The following CGGBP1 variants were observed in gnomAD, a reference collection of about 807,000 sequenced individuals.
CGGBP1 encodes CGG triplet repeat binding protein 1.
A neutral mutation model predicts 11.4 loss-of-function variants in CGGBP1; 4 were observed. That is an observed-to-expected ratio of 0.35 (90% CI 0.17 to 0.80). The LOEUF (loss-of-function observed/expected upper bound fraction) is 0.80, where lower values mean the gene tolerates loss of function less well. Among genes scored for constraint, CGGBP1 ranks in the 30% least tolerant of loss-of-function variants. The pLI is 0.52. For missense variants in CGGBP1, 135 were observed against 202.1 expected (o/e 0.67, Z 2.01); for synonymous variants, 76 against 74.1 (o/e 1.03, Z -0.13).
chr3:88,084,855 A>G (rs1708255421), intron 2 of CGGBP1, among the ~76,000 whole-genome samples: 1 of 152,208 alleles, frequency 6.6e-6, no homozygotes, highest in Non-Finnish European at 1.5e-5. Context: ...TGGATGCTAC[A>G]CTTAGTAGGT....
At chr3:88,103,920 C>T (rs556988254) in intron 2 of CGGBP1, among the ~76,000 whole-genome samples, 1 of 152,024 alleles carries the variant, frequency 6.6e-6, no homozygotes, top group East Asian at 1.9e-4. Context: ...GTGCCCGCCC[C>T]TATGCCTGGC....
chr3:88,126,579 C>CT (rs144091813), intron 2 of CGGBP1, among the ~76,000 whole-genome samples: 49 of 81,756 alleles, frequency 6.0e-4, no homozygotes, highest in African/African-American at 1.7e-3. Flanking sequence ...GTAGAAACAT[C>CT]TTTTTTTTTT....
chr3:88,126,806 A>G (rs1193781762), intron 2 of CGGBP1, among the ~76,000 whole-genome samples: 1 of 152,242 alleles, frequency 6.6e-6, no homozygotes, highest in Non-Finnish European at 1.5e-5. Flanking sequence ...GTGTGAGTGA[A>G]TAAGTGACTA....
upstream of CGGBP1, among the ~76,000 whole-genome samples, chr3:88,062,640 A>G (rs1381595556): frequency 6.6e-6 from 1 of 152,208 alleles, no homozygotes; most frequent in Non-Finnish European, 1.5e-5. Context: ...GGAAGTTAAG[A>G]TACTTTCTTC....
chr3:88,058,075 C>T lies in CGGBP1; in HGVS notation c.-182G>A, dbSNP rs549767815. 1.3e-5 allele frequency: 2 copies of T among 152,288 alleles called. No homozygotes were observed. Among genetic ancestry groups the T allele is most frequent in the South Asian group, 2.1e-4 (1 of 4,824 alleles). 9.4% of individuals were successfully genotyped at this position (152,288 alleles called of 1,614,324 possible). On this transcript the variant is annotated 5_prime_UTR_variant, in exon 2 of 4. Transcript: ENST00000482016. Reference sequence around the variant, plus strand: ...ACTTAGCAGGGAATGGTCTCCAGAGCGAAACCAGAGACGCATCAAATCCTG... The same window carrying T: ...ACTTAGCAGGGAATGGTCTCCAGAGTGAAACCAGAGACGCATCAAATCCTG...
intron 2 of CGGBP1, among the ~76,000 whole-genome samples, chr3:88,111,649 G>A (rs1705094348): frequency 6.6e-6 from 1 of 151,924 alleles, no homozygotes; most frequent in Non-Finnish European, 1.5e-5. Flanking sequence ...CATTTGTAAT[G>A]TATATTGTTG....
At chr3:88,088,728 A>C (rs77990694) in intron 2 of CGGBP1, among the ~76,000 whole-genome samples, 1 of 8,582 alleles carries the variant, frequency 1.2e-4, no homozygotes, top group East Asian at 8.5e-3. Context: ...GAGGCAGTTT[A>C]AAAAAAAACC....
At chr3:88,056,928 A>G (rs1706559356) in intron 3 of CGGBP1, 1 of 152,194 alleles carries the variant, frequency 6.6e-6, no homozygotes, top group Non-Finnish European at 1.5e-5. Context: ...TAAATACCAA[A>G]TGACAGCCTT....
intron 2 of CGGBP1, chr3:88,138,643 A>G: frequency 1.0e-6 from 1 of 983,370 alleles, no homozygotes; most frequent in East Asian, 3.3e-5. Context: ...TTTTAAAGAT[A>G]GACTAGTATA....
At chr3:88,077,529 G>T (rs903547060) in intron 2 of CGGBP1, among the ~76,000 whole-genome samples, 2 of 151,952 alleles carry the variant, frequency 1.3e-5, no homozygotes, top group Admixed American at 1.3e-4. Flanking sequence ...TAGAGACGGG[G>T]TTTCCCTGTG....
At chr3:88,108,151 A>G (rs1704857590) in intron 2 of CGGBP1, among the ~76,000 whole-genome samples, 1 of 151,748 alleles carries the variant, frequency 6.6e-6, no homozygotes, top group Admixed American at 6.6e-5. Context: ...TTTTTTGACC[A>G]TGTAGGTATA....
chr3:88,105,633 AC>A (rs1221996306), intron 2 of CGGBP1, among the ~76,000 whole-genome samples: 4 of 152,124 alleles, frequency 2.6e-5, no homozygotes, highest in African/African-American at 9.7e-5. Context: ...TGTATAACCT[AC>A]CCACAAAATC....
chr3:88,113,505 A>AGC (rs748554745), intron 2 of CGGBP1, among the ~76,000 whole-genome samples: 33 of 152,266 alleles, frequency 2.2e-4, no homozygotes, highest in Non-Finnish European at 2.9e-4. Flanking sequence ...GACTTGAAGT[A>AGC]AGCTGTCTAT....
intron 2 of CGGBP1, among the ~76,000 whole-genome samples, chr3:88,080,818 A>C (rs1383879126): frequency 6.6e-6 from 1 of 152,210 alleles, no homozygotes; most frequent in Non-Finnish European, 1.5e-5. Context: ...GAACAGACAG[A>C]TTTGTTTTTA....
chr3:88,137,548 T>C (rs1706872877), intron 2 of CGGBP1, among the ~76,000 whole-genome samples: 1 of 152,112 alleles, frequency 6.6e-6, no homozygotes, highest in Non-Finnish European at 1.5e-5. Flanking sequence ...GGTGAGGACA[T>C]ACACATACAC....
rs777760226 is a variant in CGGBP1, at chr3:88,102,817, C to CTGT, written c.-229+38152_-229+38153insACA. ...TGCTGTTTACCTCAACCTCTACTGT[C>CTGT]TTTTTTTTTTTTTTTTTTTTTAATA... On this transcript the variant is annotated intron_variant, in intron 2 of 3. Transcript: ENST00000462901. Among the ~76,000 whole-genome samples, 5 of 106,532 alleles carry CTGT rather than the reference C, an allele frequency of 4.7e-5. No individual in the cohort carries two copies. In the East Asian group the frequency reaches 1.5e-3, roughly 32 times the overall value. The allele number at this position is 106,532 out of a possible 152,430, so 69.9% of individuals were successfully genotyped here. A position where few individuals can be genotyped will look rare whatever the true frequency, so the allele number is the denominator to read the frequency against.
chr3:88,061,348 T>C (rs146208247), upstream of CGGBP1, among the ~76,000 whole-genome samples: 1,249 of 152,272 alleles, frequency 8.2e-3, 4 homozygotes, highest in Non-Finnish European at 0.013. Context: ...TAACAACAAA[T>C]GAAGTTGACT....
intron 2 of CGGBP1, among the ~76,000 whole-genome samples, chr3:88,094,932 T>C (rs1703972606): frequency 6.6e-6 from 1 of 152,052 alleles, no homozygotes. Flanking sequence ...ATTGACAAAA[T>C]TTTGCTCACT....
At position 88,055,455 on chromosome 3, in the gene CGGBP1, A is replaced by G. The variant is rs758973183; in HGVS notation, c.*18T>C. 1 of 1,506,750 alleles carries G rather than the reference A, an allele frequency of 6.6e-7. No homozygotes were observed. The highest frequency in any genetic ancestry group is 8.9e-7 in the Non-Finnish European group (1 of 1,126,680). 93.3% of individuals were successfully genotyped at this position (1,506,750 alleles called of 1,614,324 possible). A position where few individuals can be genotyped will look rare whatever the true frequency, so the allele number is the denominator to read the frequency against. On this transcript the variant is annotated 3_prime_UTR_variant, in exon 4 of 4. Coordinates refer to ENST00000482016, the MANE Select transcript of CGGBP1 (RefSeq NM_001008390.2). This position sits in a 1 kb window ranked among gnomAD's most constrained non-coding sequence, Gnocchi z 4.2. Reference sequence around the variant, plus strand: ...ATACTCCACATTTATCTTGATCACAATGGTGGTAACCTCCTAGTCAACAAT... The same window carrying G: ...ATACTCCACATTTATCTTGATCACAGTGGTGGTAACCTCCTAGTCAACAAT...
Sources: allele counts gnomAD v4.1 joint callset (sites outside exome capture counted in the v4.1 genomes callset), GRCh38; gene constraint gnomAD v4.1.1; non-coding constraint Gnocchi (gnomAD v3.1); transcripts MANE v1.5; gene names NCBI Gene and HGNC (gene_info 2026-07-23, HGNC 2026-07-21).